Variants in DENND4B observed in about 807,000 individuals in gnomAD.
DENND4B encodes the protein DENN domain-containing protein 4B.
DENND4B carries 67 observed loss-of-function variants against 161.0 expected under a neutral mutation model. The observed-to-expected ratio is 0.42, with a 90% CI of 0.34 to 0.51. DENND4B has a LOEUF of 0.51. Among genes scored for constraint, DENND4B ranks in the 20% least tolerant of loss-of-function variants. The probability of loss-of-function intolerance (pLI) is 0.08; values close to 1 mark genes in which losing one functional copy is unlikely to be tolerated. For synonymous variants in DENND4B, 753 were observed against 813.8 expected, an observed-to-expected ratio of 0.93 and a Z score of 1.27; for missense variants, 1,481 against 1,968.0, an observed-to-expected ratio of 0.75 and a Z score of 4.68.
Position 153,934,830 on chromosome 1 carries a change from T to TGCTGCTGCTGCTGCTGCTGCTGC in DENND4B, c.2702_2703insGCAGCAGCAGCAGCAGCAGCAGC (p.Gln909HisfsTer48). 4.7e-6 allele frequency: 6 copies of TGCTGCTGCTGCTGCTGCTGCTGC among 1,285,092 alleles called. No homozygotes were observed. In the East Asian group the frequency reaches 9.7e-5, roughly 21 times the overall value. 79.6% of individuals were successfully genotyped at this position (1,285,092 alleles called of 1,614,324 possible). A position where few individuals can be genotyped will look rare whatever the true frequency, so the allele number is the denominator to read the frequency against. On this transcript the variant is annotated frameshift_variant, in exon 18 of 28. Transcript: ENST00000361217. LOFTEE classifies it high-confidence loss of function. The surrounding 1 kb of genome is among the most constrained non-coding windows in gnomAD (Gnocchi z 5.3). The stretch of plus-strand genomic sequence containing the variant: ...GCTGCTGCTGCTGCTGCTGCTGCTG[T>TGCTGCTGCTGCTGCTGCTGCTGC]TGCTGCTGCTGCTGCTGTTGCCGTT...
At position 153,936,806 on chromosome 1, in the gene DENND4B, CTATTTATT is replaced by C. The variant is rs1179774991; in HGVS notation, c.2233-66_2233-59del. On this transcript the variant is annotated intron_variant, in intron 15 of 27. Transcript: ENST00000361217. This position sits in a 1 kb window ranked among gnomAD's most constrained non-coding sequence, Gnocchi z 4.1. ...ACAATGCCAGGTCTTTCTTACTTAT[CTATTTATT>C]TATTTATTTATGACGGTCTCGCTCT... 1.0e-5 allele frequency: 14 copies of C among 1,398,362 alleles called. No homozygotes were observed. In the East Asian group the frequency reaches 1.6e-4, roughly 15 times the overall value. The allele number at this position is 1,398,362 out of a possible 1,614,324, so 86.6% of individuals were successfully genotyped here. A position where few individuals can be genotyped will look rare whatever the true frequency, so the allele number is the denominator to read the frequency against.
At position 153,934,900 on chromosome 1, in the gene DENND4B, C is replaced by G. The variant is rs780282175; in HGVS notation, c.2633G>C (p.Arg878Pro). 1 of 1,613,612 alleles carries G rather than the reference C, an allele frequency of 6.2e-7. No individual in the cohort carries two copies. Among genetic ancestry groups the G allele is most frequent in the Non-Finnish European group, 8.5e-7 (1 of 1,179,896 alleles). Residue 878 changes from arginine to proline, a missense_variant, in exon 18 of 28, where the codon CGG becomes CCG. Arg to Pro is a moderately radical substitution (Grantham distance 103). Coordinates refer to ENST00000361217, the MANE Select transcript of DENND4B (RefSeq NM_014856.3). This position sits in a 1 kb window ranked among gnomAD's most constrained non-coding sequence, Gnocchi z 5.3. Reference sequence around the variant, plus strand: ...CTGAGCAGCCCCCAGGACAACATTCCGGAGCTTGGCCCAGCGCAGACGCCC... The same window carrying G: ...CTGAGCAGCCCCCAGGACAACATTCGGGAGCTTGGCCCAGCGCAGACGCCC... ...PGGRLRWAKL[R>P]NVVLGAAQFR...
rs1450446982 is a variant in DENND4B at position 153,946,478 on chromosome 1, C to A, written c.-201G>T. On this transcript the variant is annotated 5_prime_UTR_variant, in exon 1 of 28. Transcript: ENST00000361217. The surrounding 1 kb of genome is among the most constrained non-coding windows in gnomAD (Gnocchi z 6.3). Reference sequence around the variant, plus strand: ...CGGCCGAGGACCGCAGAGCGCGGGGCGCAGTGGAAGGAGATCCGGGCGGTC... The same window carrying A: ...CGGCCGAGGACCGCAGAGCGCGGGGAGCAGTGGAAGGAGATCCGGGCGGTC... 1.3e-5 allele frequency: 5 copies of A among 389,730 alleles called. No individual in the cohort carries two copies. The highest frequency in any genetic ancestry group is 2.3e-5 in the Non-Finnish European group (5 of 220,254). The allele number at this position is 389,730 out of a possible 1,614,324, so 24.1% of individuals were successfully genotyped here.
In DENND4B at chr1:153,944,734, T is replaced by C. The variant is rs915559419; in HGVS notation, c.-23-337A>G. Reference sequence around the variant, plus strand: ...ACAGAGATCACAATCTTTTTTGTAATAGCCTTCCATGACATCATTCATGCT... The same window carrying C: ...ACAGAGATCACAATCTTTTTTGTAACAGCCTTCCATGACATCATTCATGCT... On this transcript the variant is annotated intron_variant, in intron 1 of 27. Coordinates refer to ENST00000361217, the MANE Select transcript of DENND4B (RefSeq NM_014856.3). The surrounding 1 kb of genome is among the most constrained non-coding windows in gnomAD (Gnocchi z 4.8). Among the ~76,000 whole-genome samples, 1 of 152,232 alleles carries C rather than the reference T, an allele frequency of 6.6e-6. No individual in the cohort carries two copies. Among genetic ancestry groups the C allele is most frequent in the African/African-American group, 2.4e-5 (1 of 41,464 alleles).
At position 153,932,763 on chromosome 1, in the gene DENND4B, T is replaced by A; in HGVS notation, c.3638A>T (p.Lys1213Ile). Residue 1213 changes from lysine (K) to isoleucine (I), a missense_variant, in exon 23 of 28, where the codon AAA (lysine) becomes ATA (isoleucine). Physicochemically the swap from Lys to Ile is moderately radical, Grantham distance 102 (BLOSUM62 -3). Around this residue, in one of 3 missense-constraint regions of DENND4B, gnomAD observed 336 missense variants for 503.3 expected, o/e 0.67. Transcript: ENST00000361217. The surrounding 1 kb of genome is among the most constrained non-coding windows in gnomAD (Gnocchi z 5.8). ...LDSRPSVPSP[K>I]SAGASGSKDA... The stretch of plus-strand genomic sequence containing the variant: ...TTTGCTGCCACTGGCACCAGCAGAT[T>A]TGGGGCTGGGGACACTGCAGGGGGA... 6.2e-7 allele frequency: 1 copy of A among 1,613,946 alleles called. No homozygotes were observed. The highest frequency in any genetic ancestry group is 1.1e-5 in the South Asian group (1 of 91,078).
intron 2 of DENND4B, among the ~76,000 whole-genome samples, 192 bp from the exon 3 acceptor site, chr1:153,943,322 G>A (rs1357500670): frequency 1.3e-5 from 2 of 152,108 alleles, no homozygotes; most frequent in Non-Finnish European, 2.9e-5. Flanking sequence ...TTGGCCTTTG[G>A]CCTTATTTCA....
In DENND4B at chr1:153,936,631, G is replaced by A. The variant is rs1243030311; in HGVS notation, c.2350C>T (p.Arg784Trp). The A allele has an allele frequency of 1.9e-6, 3 of 1,613,404 alleles. No individual in the cohort carries two copies. The highest frequency in any genetic ancestry group is 1.7e-5 in the Admixed American group (1 of 59,942). The stretch of plus-strand genomic sequence containing the variant: ...GCCTGCACTCGGGAGGGTGCCGACC[G>A]CACATAGGCAGGCAGACACAGGAAC... ...LWFLCLPAYV[R>W]SAPSRVQALH... Residue 784 changes from arginine (R) to tryptophan (W), a missense_variant, in exon 16 of 28, where the codon CGG (arginine) becomes TGG (tryptophan). Around this residue, in one of 3 missense-constraint regions of DENND4B, gnomAD observed 806 missense variants for 1,134.4 expected, o/e 0.71. Transcript: ENST00000361217. This position sits in a 1 kb window ranked among gnomAD's most constrained non-coding sequence, Gnocchi z 4.1.
In DENND4B at chr1:153,934,809, C is replaced by CTGCTGCTGCTGCTGCTGCTGT. The variant is rs750153816; in HGVS notation, c.2703_2723dup (p.Gln904_Gln910dup). The CTGCTGCTGCTGCTGCTGCTGT allele has an allele frequency of 8.9e-6, 7 of 785,072 alleles. No homozygotes were observed. The highest frequency in any genetic ancestry group is 5.4e-5 in the African/African-American group (3 of 55,054). 48.6% of individuals were successfully genotyped at this position (785,072 alleles called of 1,614,324 possible). A position where few individuals can be genotyped will look rare whatever the true frequency, so the allele number is the denominator to read the frequency against. On this transcript the variant is annotated inframe_insertion, in exon 18 of 28. Coordinates refer to ENST00000361217, the MANE Select transcript of DENND4B (RefSeq NM_014856.3). The surrounding 1 kb of genome is among the most constrained non-coding windows in gnomAD (Gnocchi z 5.3). ...GATGTGCTGACACCTGCTCCTGCTGCTGCTGCTGCTGCTGCTGCTGTTGCT... is the reference window on the plus strand; with the variant it reads ...GATGTGCTGACACCTGCTCCTGCTGCTGCTGCTGCTGCTGCTGCTGTTGCTGCTGCTGCTGCTGCTGTTGCT...
In DENND4B at chr1:153,932,366, C is replaced by T. The variant is rs745512704; in HGVS notation, c.3834G>A (p.Ser1278=). ...CCTCACTGCCCTCGTTCTCTACCAG[C>T]GACTCCAGCTCCTTACGCAGCACCA... The part of the protein sequence containing the change: ...SPLVLRKELE[S]LVENEGSEVL... Residue 1278 remains serine, a synonymous_variant, in exon 24 of 28, where the codon TCG becomes TCA. Transcript: ENST00000361217. This position sits in a 1 kb window ranked among gnomAD's most constrained non-coding sequence, Gnocchi z 5.8. 1.5e-5 allele frequency: 25 copies of T among 1,613,840 alleles called. No individual in the cohort carries two copies. Among genetic ancestry groups the T allele is most frequent in the Admixed American group, 6.7e-5 (4 of 59,996 alleles).
rs753456800 is a variant in DENND4B at position 153,933,063 on chromosome 1, G to C, written c.3454-33C>G. 1 of 1,610,872 alleles carries C rather than the reference G, an allele frequency of 6.2e-7. No homozygotes were observed. Among genetic ancestry groups the C allele is most frequent in the Admixed American group, 1.7e-5 (1 of 59,966 alleles). ...CAGGGAGAGTCGGGAAGTAGGTGCT[G>C]TCTGGCCGCCAGCACTCTGGAGCCC... On this transcript the variant is annotated intron_variant, in intron 21 of 27. Coordinates refer to ENST00000361217, the MANE Select transcript of DENND4B (RefSeq NM_014856.3). The surrounding 1 kb of genome is among the most constrained non-coding windows in gnomAD (Gnocchi z 5.7).
In DENND4B at chr1:153,930,850, G is replaced by C; in HGVS notation, c.4122C>G (p.Ile1374Met). 1 of 1,597,726 alleles carries C rather than the reference G, an allele frequency of 6.3e-7. No homozygotes were observed. Among genetic ancestry groups the C allele is most frequent in the Non-Finnish European group, 8.5e-7 (1 of 1,172,212 alleles). ...GGCCTGGCCATACCACCCGCTGGGG[G>C]ATCTGGCCTGGATGAAAGGAAAGAA... ...LYVLWRVHSQ[I>M]PQRVVWPGPV... The change falls in exon 26 of 28, where the codon ATC becomes ATG. Residue 1374 changes from isoleucine to methionine, a missense_variant. Around this residue, in one of 3 missense-constraint regions of DENND4B, gnomAD observed 336 missense variants for 503.3 expected, o/e 0.67. Coordinates refer to ENST00000361217, the MANE Select transcript of DENND4B (RefSeq NM_014856.3). This position sits in a 1 kb window ranked among gnomAD's most constrained non-coding sequence, Gnocchi z 4.7.
chr1:153,938,829 A>G, intron 13 of DENND4B, 71 bp downstream of exon 13: 1 of 1,526,384 alleles, frequency 6.6e-7, no homozygotes, highest in East Asian at 2.4e-5. Flanking sequence ...TCCGTCTAAA[A>G]TGGCCTTGGG....
Position 153,946,047 on chromosome 1 carries a change from G to A in DENND4B, c.-24+254C>T, listed in dbSNP as rs1211588848. 6.6e-6 allele frequency among the ~76,000 whole-genome samples: 1 copy of A among 152,114 alleles called. No homozygotes were observed. The stretch of plus-strand genomic sequence containing the variant: ...TGACGGCAGCAGCGCCGGCCGCCGC[G>A]TGACCCAAGCGGGAGGGAGGGCGGC... On this transcript the variant is annotated intron_variant, in intron 1 of 27. Transcript: ENST00000361217. This position sits in a 1 kb window ranked among gnomAD's most constrained non-coding sequence, Gnocchi z 6.3.
At position 153,936,638 on chromosome 1, in the gene DENND4B, G is replaced by A; in HGVS notation, c.2343C>T (p.Ala781=). Residue 781 remains alanine (A), a synonymous_variant, in exon 16 of 28, where the codon GCC becomes GCT. Coordinates refer to ENST00000361217, the MANE Select transcript of DENND4B (RefSeq NM_014856.3). This position sits in a 1 kb window ranked among gnomAD's most constrained non-coding sequence, Gnocchi z 4.1. The stretch of plus-strand genomic sequence containing the variant: ...CTCGGGAGGGTGCCGACCGCACATA[G>A]GCAGGCAGACACAGGAACCACAGCC... ...CYGLWFLCLP[A]YVRSAPSRVQ... is the part of the protein sequence containing the mutation. 7 of 1,613,668 alleles carry A rather than the reference G, an allele frequency of 4.3e-6. No individual in the cohort carries two copies. Among genetic ancestry groups the A allele is most frequent in the Non-Finnish European group, 5.9e-6 (7 of 1,179,698 alleles).
In DENND4B at chr1:153,936,286, C is replaced by T. The variant is rs1679326329; in HGVS notation, c.2440-98G>A. ...TTCCTGCCTCCCCAATTCTCACAGA[C>T]ATCACTGGCCCCTGGCAGGTCCTGG... On this transcript the variant is annotated intron_variant, in intron 16 of 27. Coordinates refer to ENST00000361217, the MANE Select transcript of DENND4B (RefSeq NM_014856.3). The surrounding 1 kb of genome is among the most constrained non-coding windows in gnomAD (Gnocchi z 4.1). 1.1e-5 allele frequency: 17 copies of T among 1,492,676 alleles called. No homozygotes were observed. Among genetic ancestry groups the T allele is most frequent in the Non-Finnish European group, 1.5e-5 (17 of 1,110,206 alleles). 92.5% of individuals were successfully genotyped at this position (1,492,676 alleles called of 1,614,324 possible).
intron 8 of DENND4B, 49 bp from the exon 9 acceptor site, chr1:153,941,097 AC>A: frequency 6.4e-7 from 1 of 1,555,160 alleles, no homozygotes; most frequent in East Asian, 2.4e-5. Context: ...TACCCTGGGG[AC>A]CCTTCCCCAG....
At position 153,932,507 on chromosome 1, in the gene DENND4B, G is replaced by A; in HGVS notation, c.3760-67C>T. ...TCCCCAGAGCCTTGCCTCCCACTGA[G>A]CCACCACATCCAACAGCTTTTGGGA... On this transcript the variant is annotated intron_variant, in intron 23 of 27. Coordinates refer to ENST00000361217, the MANE Select transcript of DENND4B (RefSeq NM_014856.3). This position sits in a 1 kb window ranked among gnomAD's most constrained non-coding sequence, Gnocchi z 5.8. The A allele has an allele frequency of 1.3e-6, 2 of 1,555,766 alleles. No homozygotes were observed. Among genetic ancestry groups the A allele is most frequent in the Non-Finnish European group, 8.7e-7 (1 of 1,148,562 alleles).
intron 12 of DENND4B, 61 bp downstream of exon 12, chr1:153,939,528 G>C (rs1679547805): frequency 6.5e-7 from 1 of 1,533,296 alleles, no homozygotes; most frequent in African/African-American, 1.4e-5. Flanking sequence ...TTCTGACAGA[G>C]CCCAGCCCCT....
Position 153,936,335 on chromosome 1 carries a change from T to G in DENND4B, c.2440-147A>C, listed in dbSNP as rs900433433. On this transcript the variant is annotated intron_variant, in intron 16 of 27. Transcript: ENST00000361217. The surrounding 1 kb of genome is among the most constrained non-coding windows in gnomAD (Gnocchi z 4.1). ...GGGGCTACCTCAGAGCCACCCACCC[T>G]TTCTGCTGACCCTGCCACCCTACAG... 2 of 1,292,682 alleles carry G rather than the reference T, an allele frequency of 1.5e-6. No homozygotes were observed. The highest frequency in any genetic ancestry group is 2.1e-6 in the Non-Finnish European group (2 of 943,744). The allele number at this position is 1,292,682 out of a possible 1,614,324, so 80.1% of individuals were successfully genotyped here.
Sources: gnomAD v4.1 joint callset for allele counts (sites outside exome capture counted in the v4.1 genomes callset) on GRCh38, gnomAD v4.1.1 for gene constraint, gnomAD v4.1.1 regional missense constraint, Gnocchi (gnomAD v3.1) non-coding constraint, MANE v1.5 for transcripts, NCBI Gene and HGNC (gene_info 2026-07-23, HGNC 2026-07-21) for gene names.